Variants in TMEM184B observed in about 807,000 individuals in gnomAD.
The protein encoded by TMEM184B is transmembrane protein 184B, also known as putative MAPK-activating protein FM08.
Under a neutral mutation model 41.8 loss-of-function variants are expected in TMEM184B, and 17 were observed. The observed-to-expected ratio is 0.41, with a 90% CI of 0.28 to 0.61. The LOEUF is 0.61. TMEM184B is among the 20% of genes least tolerant of loss of function. The pLI is 0.34. For synonymous variants in TMEM184B, 240 were observed against 229.5 expected, an observed-to-expected ratio of 1.05 and a Z score of -0.41; for missense variants, 393 against 557.8, an observed-to-expected ratio of 0.70 and a Z score of 2.98.
At chr22:38,228,836 A>G (rs2091528476) in intron 5 of TMEM184B, among the ~76,000 whole-genome samples, 1 of 152,240 alleles carries the variant, frequency 6.6e-6, no homozygotes, top group Non-Finnish European at 1.5e-5. Context: ...ATAATTTCTA[A>G]CAAGGCCACA....
chr22:38,255,933 G>C (rs2092270426), intron 1 of TMEM184B, among the ~76,000 whole-genome samples: 1 of 152,214 alleles, frequency 6.6e-6, no homozygotes, highest in African/African-American at 2.4e-5. Flanking sequence ...TCCAGGTGAT[G>C]AAACAGTTTG....
At chr22:38,221,879 G>A in intron 8 of TMEM184B, 169 bp from the exon 9 acceptor site, 1 of 996,980 alleles carries the variant, frequency 1.0e-6, no homozygotes, top group East Asian at 2.6e-5. Context: ...GAAGGGGCAG[G>A]AAAAAATGGA....
rs1463651953 is a variant in TMEM184B at position 38,221,048 on chromosome 22, G to T, written c.*421C>A. 9.8e-7 allele frequency: 1 copy of T among 1,019,444 alleles called. No individual in the cohort carries two copies. The highest frequency in any genetic ancestry group is 9.7e-5 in the East Asian group (1 of 10,284). 63.1% of individuals were successfully genotyped at this position (1,019,444 alleles called of 1,614,324 possible). On this transcript the variant is annotated 3_prime_UTR_variant, in exon 9 of 9. Transcript: ENST00000361906. ...GGCGGGAAGAGCCCAGGTCAGACAG[G>T]GTATTGCACGGTGTGTGGGGGAGCC...
At position 38,221,390 on chromosome 22, in the gene TMEM184B, G is replaced by C; in HGVS notation, c.*79C>G. On this transcript the variant is annotated 3_prime_UTR_variant, in exon 9 of 9. Coordinates refer to ENST00000361906, the MANE Select transcript of TMEM184B (RefSeq NM_012264.5). Reference sequence around the variant, plus strand: ...GTGAGCACTGTGCCAGCTGCCTCCTGGCCTGGTGGTGAGGCTGGAGGTGGG... The same window carrying C: ...GTGAGCACTGTGCCAGCTGCCTCCTCGCCTGGTGGTGAGGCTGGAGGTGGG... 6.6e-7 allele frequency: 1 copy of C among 1,515,682 alleles called. No homozygotes were observed. Among genetic ancestry groups the C allele is most frequent in the Non-Finnish European group, 8.8e-7 (1 of 1,137,520 alleles). 93.9% of individuals were successfully genotyped at this position (1,515,682 alleles called of 1,614,324 possible). A position where few individuals can be genotyped will look rare whatever the true frequency, so the allele number is the denominator to read the frequency against.
chr22:38,241,524 C>CAAA (rs35419850), intron 3 of TMEM184B, among the ~76,000 whole-genome samples: 2 of 88,822 alleles, frequency 2.3e-5, no homozygotes, highest in African/African-American at 4.2e-5. Context: ...CTCATCTCTA[C>CAAA]AAAAAAAAAA....
At chr22:38,257,764 T>C (rs1181913520) in intron 1 of TMEM184B, among the ~76,000 whole-genome samples, 1 of 152,220 alleles carries the variant, frequency 6.6e-6, no homozygotes, top group African/African-American at 2.4e-5. Context: ...ATTACACCAA[T>C]ATCCACATAT....
In TMEM184B at chr22:38,270,769, G is replaced by A. The variant is rs556672421; in HGVS notation, c.-59+2115C>T. Among the ~76,000 whole-genome samples the A allele has an allele frequency of 1.1e-4, 17 of 152,318 alleles. No individual in the cohort carries two copies. In the East Asian group the frequency reaches 2.1e-3, roughly 19 times the overall value. ...ATAAAAAGCTGTACCCTGCCTTGCC[G>A]GGGCTGTTTCCACTCCAGGGAATTT... On this transcript the variant is annotated intron_variant, in intron 1 of 8. Transcript: ENST00000361906.
chr22:38,218,810 C>A (rs1484147747), downstream of TMEM184B, among the ~76,000 whole-genome samples: 1 of 152,218 alleles, frequency 6.6e-6, no homozygotes, highest in Non-Finnish European at 1.5e-5. Context: ...GTGCTCCCGT[C>A]AGCAGCAAGC....
intron 1 of TMEM184B, among the ~76,000 whole-genome samples, chr22:38,271,719 T>G (rs1275539661): frequency 6.6e-6 from 1 of 152,204 alleles, no homozygotes; most frequent in Non-Finnish European, 1.5e-5. Flanking sequence ...CATCAAATGT[T>G]TCTGTCCAGG....
intron 1 of TMEM184B, among the ~76,000 whole-genome samples, chr22:38,248,861 C>T (rs777310600): frequency 4.6e-5 from 7 of 152,198 alleles, no homozygotes; most frequent in Non-Finnish European, 7.3e-5. Context: ...GTGCGTTCTT[C>T]GCCATTTCTC....
In TMEM184B at chr22:38,221,549, C is replaced by G; in HGVS notation, c.1144G>C (p.Gly382Arg). Residue 382 changes from glycine (G) to arginine (R), a missense_variant, in exon 9 of 9, where the codon GGC becomes CGC. Physicochemically the swap from Gly to Arg is moderately radical, Grantham distance 125 (BLOSUM62 -2). Coordinates refer to ENST00000361906, the MANE Select transcript of TMEM184B (RefSeq NM_012264.5). Reference sequence around the variant, plus strand: ...CTGAGGCTGTGGGAGCGGGAGAGGCCGTGGGCGCCACCACGCCAGGTGGGC... The same window carrying G: ...CTGAGGCTGTGGGAGCGGGAGAGGCGGTGGGCGCCACCACGCCAGGTGGGC... Reference protein sequence around the residue: ...PGPTWRGGAHGLSRSHSLSGA... With the variant: ...PGPTWRGGAHRLSRSHSLSGA... The G allele has an allele frequency of 1.2e-6, 2 of 1,613,802 alleles. No homozygotes were observed. The highest frequency in any genetic ancestry group is 1.7e-6 in the Non-Finnish European group (2 of 1,179,936).
chr22:38,262,545 C>T (rs1037840265), intron 1 of TMEM184B, among the ~76,000 whole-genome samples: 12 of 152,160 alleles, frequency 7.9e-5, no homozygotes, highest in Admixed American at 5.2e-4. Flanking sequence ...GTAAAGAGGG[C>T]CTGGGATGCC....
chr22:38,225,361 G>A lies in TMEM184B; in HGVS notation c.787+63C>T, dbSNP rs561394312. The A allele has an allele frequency of 9.4e-5, 141 of 1,496,844 alleles. No homozygotes were observed. The African/African-American group carries it at 1.8e-3, about 19-fold the overall frequency. The allele number at this position is 1,496,844 out of a possible 1,614,324, so 92.7% of individuals were successfully genotyped here. On this transcript the variant is annotated intron_variant, in intron 7 of 8. Coordinates refer to ENST00000361906, the MANE Select transcript of TMEM184B (RefSeq NM_012264.5). This position sits in a 1 kb window ranked among gnomAD's most constrained non-coding sequence, Gnocchi z 4.4. The stretch of plus-strand genomic sequence containing the variant: ...GCACCAGGGACCATAAGCAGAAGGG[G>A]CAGCAGGAAGCGCAGAGGACAGGGT...
chr22:38,264,025 G>A (rs1239077714), intron 1 of TMEM184B, among the ~76,000 whole-genome samples: 4 of 152,220 alleles, frequency 2.6e-5, no homozygotes, highest in Non-Finnish European at 4.4e-5. Context: ...GGCTGGTCTC[G>A]ACCTCCTGAC....
rs147879251 is a variant in TMEM184B, at chr22:38,230,552, C to G, written c.525+117G>C. 1,138 of 1,011,582 alleles carry G rather than the reference C, an allele frequency of 1.1e-3. 7 individuals carry two copies. In the African/African-American group the frequency reaches 0.016, roughly 14 times the overall value. The allele number at this position is 1,011,582 out of a possible 1,614,324, so 62.7% of individuals were successfully genotyped here. A position where few individuals can be genotyped will look rare whatever the true frequency, so the allele number is the denominator to read the frequency against. On this transcript the variant is annotated intron_variant, in intron 5 of 8. Coordinates refer to ENST00000361906, the MANE Select transcript of TMEM184B (RefSeq NM_012264.5). ...AGCTTCGGGGGGTGGGTGCTGGGGG[C>G]CTGGGGTGCCTCATAGGAAAGGGGA...
chr22:38,233,058 G>C (rs1361213774), intron 3 of TMEM184B, among the ~76,000 whole-genome samples: 1 of 152,192 alleles, frequency 6.6e-6, no homozygotes, highest in Admixed American at 6.5e-5. Flanking sequence ...TGGCACACAC[G>C]GGGCACACCA....
In TMEM184B at chr22:38,224,972, G is replaced by C; in HGVS notation, c.795C>G (p.Leu265=). Residue 265 remains leucine, a synonymous_variant, in exon 8 of 9, where the codon CTC becomes CTG. Transcript: ENST00000361906. ...CCCCACACTTCTCCAGGATGGCCAG[G>C]AGCATGCCTGGATGGGGAGGCACGG... is the stretch of plus-strand genomic sequence containing the variant. The part of the protein sequence containing the change: ...VIFLSFWQGM[L]LAILEKCGAI... The C allele has an allele frequency of 6.4e-7, 1 of 1,568,542 alleles. No individual in the cohort carries two copies. The highest frequency in any genetic ancestry group is 8.6e-7 in the Non-Finnish European group (1 of 1,156,192).
intron 1 of TMEM184B, among the ~76,000 whole-genome samples, chr22:38,263,362 C>T (rs894227285): frequency 3.9e-5 from 6 of 152,314 alleles, no homozygotes; most frequent in South Asian, 4.1e-4. Context: ...TGGGCATAGA[C>T]AAGCAAAGAC....
At position 38,240,543 on chromosome 22, in the gene TMEM184B, G is replaced by A. The variant is rs140927687; in HGVS notation, c.358+5392C>T. On this transcript the variant is annotated intron_variant, in intron 3 of 8. Coordinates refer to ENST00000361906, the MANE Select transcript of TMEM184B (RefSeq NM_012264.5). ...TTCCAGAAAGGGAGATTGGAAGAAAGTGGAGGGGAAGAAATGATCAAAGAA... is the reference window on the plus strand; with the variant it reads ...TTCCAGAAAGGGAGATTGGAAGAAAATGGAGGGGAAGAAATGATCAAAGAA... Among the ~76,000 whole-genome samples the A allele has an allele frequency of 3.2e-3, 490 of 152,204 alleles. 2 individuals carry two copies. The highest frequency in any genetic ancestry group is 4.6e-3 in the Non-Finnish European group (311 of 68,008).
Sources: gnomAD v4.1 joint callset for allele counts (sites outside exome capture counted in the v4.1 genomes callset) on GRCh38, gnomAD v4.1.1 for gene constraint, Gnocchi (gnomAD v3.1) non-coding constraint, MANE v1.5 for transcripts, NCBI Gene and HGNC (gene_info 2026-07-23, HGNC 2026-07-21) for gene names.